COL11A1: variants seen among roughly 807,000 people sequenced by gnomAD.
COL11A1 encodes collagen type XI alpha 1 chain, also known as collagen alpha-1(XI) chain.
Under a neutral mutation model 265.2 loss-of-function variants are expected in COL11A1, and 74 were observed. The observed-to-expected ratio is 0.28, with a 90% CI of 0.23 to 0.34. COL11A1 has a LOEUF of 0.34. COL11A1 is among the 10% of genes least tolerant of loss of function. The probability of loss-of-function intolerance (pLI) is 1.00; values close to 1 mark genes in which losing one functional copy is unlikely to be tolerated. For synonymous variants in COL11A1, 816 were observed against 727.6 expected (o/e 1.12, Z -1.96); for missense variants, 2,165 against 2,263.6 (o/e 0.96, Z 0.88).
chr1:102,939,112 G>C, intron 43 of COL11A1, 24 bp from the exon 44 acceptor site: 1 of 1,606,138 alleles, frequency 6.2e-7, no homozygotes, highest in South Asian at 1.1e-5. Flanking sequence ...ATTTGACTTA[G>C]AGTTTATCTC....
intron 31 of COL11A1, among the ~76,000 whole-genome samples, chr1:102,982,804 C>A (rs1663167057): frequency 6.6e-6 from 1 of 152,000 alleles, no homozygotes; most frequent in East Asian, 1.9e-4. Context: ...CAATGACATG[C>A]AGTTTACATA....
At chr1:102,930,860 A>T (rs1180108137) in intron 46 of COL11A1, among the ~76,000 whole-genome samples, 7,962 of 149,600 alleles carry the variant, frequency 0.053, 757 homozygotes, top group African/African-American at 0.19. Context: ...TTTCTTCTAG[A>T]TTTTCTAGTT....
intron 4 of COL11A1, among the ~76,000 whole-genome samples, chr1:103,064,226 T>G (rs1323733042): frequency 2.0e-5 from 3 of 152,276 alleles, no homozygotes; most frequent in Non-Finnish European, 2.9e-5. Context: ...ATTTGAAAAT[T>G]TATGCCTACA....
chr1:102,939,792 C>G (rs984023), intron 43 of COL11A1, among the ~76,000 whole-genome samples: 143,198 of 152,112 alleles, frequency 0.94, 67,638 homozygotes, highest in East Asian at 1. Flanking sequence ...TGCACATTAT[C>G]AGAGTGCTGG....
At chr1:103,107,534 T>G (rs1674799063) in intron 1 of COL11A1, among the ~76,000 whole-genome samples, 1 of 138,686 alleles carries the variant, frequency 7.2e-6, no homozygotes, top group South Asian at 2.6e-4. Flanking sequence ...ATCTTCTAGA[T>G]TCACCCCCCT....
chr1:102,920,224 C>T (rs1655818106), intron 49 of COL11A1, 87 bp downstream of exon 49: 1 of 1,171,654 alleles, frequency 8.5e-7, no homozygotes, highest in Admixed American at 1.7e-5. Flanking sequence ...TAGAAACACA[C>T]ATACTAGAAG....
chr1:103,088,351 T>TC (rs2102353755), intron 1 of COL11A1, among the ~76,000 whole-genome samples: 1 of 152,152 alleles, frequency 6.6e-6, no homozygotes, highest in African/African-American at 2.4e-5. Flanking sequence ...CAAAGAGTTT[T>TC]TTTTTGTCAG....
At chr1:102,955,063 T>C (rs866205912) in intron 41 of COL11A1, among the ~76,000 whole-genome samples, 1 of 152,070 alleles carries the variant, frequency 6.6e-6, no homozygotes, top group South Asian at 2.1e-4. Flanking sequence ...ATTTATCTCA[T>C]CCCTAGTTGG....
At chr1:102,925,191 T>A (rs927029126) in intron 46 of COL11A1, among the ~76,000 whole-genome samples, 12 of 152,094 alleles carry the variant, frequency 7.9e-5, no homozygotes, top group Non-Finnish European at 1.6e-4. Context: ...AAAATGTATT[T>A]TACTTAATGC....
intron 4 of COL11A1, among the ~76,000 whole-genome samples, chr1:103,062,388 C>T (rs1274747545): frequency 1.3e-5 from 2 of 151,908 alleles, no homozygotes; most frequent in African/African-American, 2.4e-5. Context: ...AATAATACTA[C>T]AGACCAATAT....
chr1:102,978,969 C>G lies in COL11A1; in HGVS notation c.2656-56G>C, dbSNP rs1388774619. On this transcript the variant is annotated intron_variant, in intron 33 of 66. Coordinates refer to ENST00000370096, the MANE Select transcript of COL11A1 (RefSeq NM_001854.4). Reference sequence around the variant, plus strand: ...CTAATGCCAGACAAATCCAAAGACACTAAATCAATTTTTATTTTTGAAAAA... The same window carrying G: ...CTAATGCCAGACAAATCCAAAGACAGTAAATCAATTTTTATTTTTGAAAAA... 11 of 1,610,618 alleles carry G rather than the reference C, an allele frequency of 6.8e-6. No individual in the cohort carries two copies. In the African/African-American group the frequency reaches 1.1e-4, roughly 16 times the overall value.
At chr1:102,916,484 A>G (rs1317080513) in intron 49 of COL11A1, among the ~76,000 whole-genome samples, 1 of 152,068 alleles carries the variant, frequency 6.6e-6, no homozygotes, top group East Asian at 1.9e-4. Context: ...TGGTCTCAGC[A>G]ATTGTGAGGT....
At position 103,073,117 on chromosome 1, in the gene COL11A1, A is replaced by G. The variant is rs76461310; in HGVS notation, c.651+1501T>C. The stretch of plus-strand genomic sequence containing the variant: ...TGTCATATTCACTAAGGGTTTCATT[A>G]AAGAATCCTTTCAACATTACTTTTC... On this transcript the variant is annotated intron_variant, in intron 4 of 66. Coordinates refer to ENST00000370096, the MANE Select transcript of COL11A1 (RefSeq NM_001854.4). Among the ~76,000 whole-genome samples the G allele has an allele frequency of 7.0e-3, 1,063 of 151,970 alleles. 31 individuals carry two copies. Among genetic ancestry groups the G allele is most frequent in the Admixed American group, 0.051 (774 of 15,250 alleles).
chr1:103,062,504 T>G (rs550893660), intron 4 of COL11A1, among the ~76,000 whole-genome samples: 7 of 152,060 alleles, frequency 4.6e-5, no homozygotes, highest in Admixed American at 1.3e-4. Flanking sequence ...TTATCCCAGG[T>G]ATGCCAGGCT....
chr1:103,084,730 G>C (rs1384586215), intron 1 of COL11A1, among the ~76,000 whole-genome samples: 2 of 152,042 alleles, frequency 1.3e-5, no homozygotes, highest in Non-Finnish European at 2.9e-5. Flanking sequence ...ACAGACTTTA[G>C]AACCCATATT....
intron 49 of COL11A1, among the ~76,000 whole-genome samples, chr1:102,916,939 A>G (rs1246624003): frequency 6.6e-6 from 1 of 151,972 alleles, no homozygotes; most frequent in Non-Finnish European, 1.5e-5. Flanking sequence ...AAATGAAACA[A>G]GTAGTTTGGC....
chr1:102,915,575 G>T (rs1370606735), intron 50 of COL11A1, 56 bp downstream of exon 50: 2 of 1,455,328 alleles, frequency 1.4e-6, no homozygotes, highest in African/African-American at 2.8e-5. Context: ...TTGTAATGCT[G>T]TAAAAGAAAT....
chr1:103,081,060 A>T (rs552368071), intron 2 of COL11A1, among the ~76,000 whole-genome samples: 1 of 151,904 alleles, frequency 6.6e-6, no homozygotes, highest in South Asian at 2.1e-4. Flanking sequence ...CTGGGCTAAT[A>T]ATTTAATCTG....
chr1:102,886,376 G>T lies in COL11A1; in HGVS notation c.4858+431C>A, dbSNP rs74108034. The stretch of plus-strand genomic sequence containing the variant: ...TCACCAAATCATTGCCAAACTGATA[G>T]ATCAAATATACATCAGTTATGCTAT... On this transcript the variant is annotated intron_variant, in intron 63 of 66. Coordinates refer to ENST00000370096, the MANE Select transcript of COL11A1 (RefSeq NM_001854.4). Among the ~76,000 whole-genome samples the T allele has an allele frequency of 6.6e-3, 1,003 of 152,162 alleles. 12 individuals carry two copies. The highest frequency in any genetic ancestry group is 0.023 in the African/African-American group (954 of 41,524).
Sources: gnomAD v4.1 joint callset for allele counts (sites outside exome capture counted in the v4.1 genomes callset) on GRCh38, gnomAD v4.1.1 for gene constraint, MANE v1.5 for transcripts, NCBI Gene and HGNC (gene_info 2026-07-23, HGNC 2026-07-21) for gene names.